RALYL: variants seen among roughly 807,000 people sequenced by gnomAD.
RALYL encodes the protein RALY RNA binding protein like, also known as RNA-binding Raly-like protein.
In RALYL, 29 loss-of-function variants were observed where a neutral mutation model predicts 35.1. The ratio of observed to expected loss-of-function variants is 0.83; its 90% confidence interval spans 0.61 to 1.13. The LOEUF (loss-of-function observed/expected upper bound fraction) is 1.13. RALYL is among the 50% of genes most tolerant of loss of function. The probability of loss-of-function intolerance (pLI) is 0.00; values close to 1 mark genes in which losing one functional copy is unlikely to be tolerated. For missense variants in RALYL, 359 were observed against 360.4 expected (o/e 1.00, Z 0.03); for synonymous variants, 120 against 127.6 (o/e 0.94, Z 0.40).
chr8:84,593,521 CAG>C (rs1245989904), intron 2 of RALYL, among the ~76,000 whole-genome samples: 1 of 152,100 alleles, frequency 6.6e-6, no homozygotes, highest in Non-Finnish European at 1.5e-5. Context: ...TAACCTCTAA[CAG>C]GGTATCATAT....
intron 1 of RALYL, among the ~76,000 whole-genome samples, chr8:84,216,153 A>C (rs1350336151): frequency 1.1e-4 from 16 of 152,094 alleles, no homozygotes; most frequent in Admixed American, 1.0e-3. Context: ...TATAGATTGA[A>C]GATTTTGCAG....
intron 2 of RALYL, among the ~76,000 whole-genome samples, chr8:84,546,502 T>C (rs1383930774): frequency 3.3e-5 from 5 of 152,246 alleles, no homozygotes; most frequent in African/African-American, 1.2e-4. Context: ...GATGACCATC[T>C]GACTTTTCTC....
At chr8:84,630,329 GGTTGA>G (rs1421595342) in intron 2 of RALYL, among the ~76,000 whole-genome samples, 2 of 151,884 alleles carry the variant, frequency 1.3e-5, no homozygotes, top group Non-Finnish European at 2.9e-5. Context: ...TAGTGTGGAG[GGTTGA>G]GTCATAATTC....
intron 1 of RALYL, among the ~76,000 whole-genome samples, chr8:84,269,831 A>T (rs1833970306): frequency 6.6e-6 from 1 of 152,114 alleles, no homozygotes; most frequent in African/African-American, 2.4e-5. Flanking sequence ...TTATTAGAAA[A>T]TGTATTTAAA....
rs1466982190 is a variant in RALYL, at chr8:84,640,047, G to A, written c.256+110470G>A. Among the ~76,000 whole-genome samples the A allele has an allele frequency of 2.0e-5, 3 of 152,022 alleles. No homozygotes were observed. In the East Asian group the frequency reaches 5.8e-4, roughly 30 times the overall value. On this transcript the variant is annotated intron_variant, in intron 2 of 8. Coordinates refer to ENST00000521268, the MANE Select transcript of RALYL (RefSeq NM_173848.7). ...GGTCTGAATAAATTTGTATAGCTTT[G>A]ATAAGCCCCAGCTATAAATGAGAGA... is the stretch of plus-strand genomic sequence containing the variant.
chr8:84,309,937 C>T (rs370810157), intron 1 of RALYL, among the ~76,000 whole-genome samples: 62 of 152,312 alleles, frequency 4.1e-4, no homozygotes, highest in African/African-American at 1.4e-3. Flanking sequence ...TTTGAGCAGG[C>T]TTGTCCAGAA....
intron 1 of RALYL, among the ~76,000 whole-genome samples, chr8:84,223,166 C>CT (rs1563559904): frequency 1.2e-4 from 10 of 83,826 alleles, no homozygotes; most frequent in East Asian, 8.7e-4. Flanking sequence ...TCTTTCCTTC[C>CT]TCCCTTCCCT....
intron 1 of RALYL, among the ~76,000 whole-genome samples, chr8:84,188,819 G>A (rs1200740081): frequency 3.3e-5 from 5 of 152,010 alleles, no homozygotes; most frequent in African/African-American, 9.7e-5. Context: ...AATACATTGG[G>A]AATTTTGTTT....
chr8:84,738,706 A>C (rs779182795), intron 2 of RALYL, among the ~76,000 whole-genome samples: 2 of 152,058 alleles, frequency 1.3e-5, no homozygotes, highest in Non-Finnish European at 2.9e-5. Context: ...ACTTTAGCAC[A>C]TTGTAAACCA....
intron 1 of RALYL, among the ~76,000 whole-genome samples, chr8:84,222,847 G>A (rs184460123): frequency 5.9e-5 from 9 of 152,208 alleles, no homozygotes; most frequent in Admixed American, 2.0e-4. Flanking sequence ...GATGAGAGTG[G>A]TGTGATTGGT....
chr8:84,710,577 C>T (rs1291701989), intron 2 of RALYL, among the ~76,000 whole-genome samples: 1 of 149,180 alleles, frequency 6.7e-6, no homozygotes, highest in East Asian at 1.9e-4. Flanking sequence ...GCTGGGATTA[C>T]AGTTGTGAGC....
chr8:84,529,183 G>C, intron 1 of RALYL, 116 bp from the exon 2 acceptor site: 1 of 987,466 alleles, frequency 1.0e-6, no homozygotes, highest in African/African-American at 1.6e-5. Context: ...AATACTTAGG[G>C]ATTGGAGGTT....
intron 2 of RALYL, among the ~76,000 whole-genome samples, chr8:84,731,720 T>G (rs1276027120): frequency 6.6e-6 from 1 of 152,108 alleles, no homozygotes; most frequent in Non-Finnish European, 1.5e-5. Flanking sequence ...AATCCAAACC[T>G]AGTCTTCACA....
At chr8:84,582,535 A>T (rs1395944577) in intron 2 of RALYL, among the ~76,000 whole-genome samples, 1 of 152,034 alleles carries the variant, frequency 6.6e-6, no homozygotes, top group Non-Finnish European at 1.5e-5. Context: ...AGGATCTCTC[A>T]TTCATGATTT....
intron 1 of RALYL, among the ~76,000 whole-genome samples, chr8:84,383,621 G>A (rs962878076): frequency 2.6e-5 from 4 of 151,566 alleles, no homozygotes; most frequent in Non-Finnish European, 5.9e-5. Context: ...AGAAAAGATT[G>A]CACCCAGTGA....
intron 1 of RALYL, among the ~76,000 whole-genome samples, chr8:84,195,173 A>G (rs545781479): frequency 6.6e-6 from 1 of 152,232 alleles, no homozygotes; most frequent in Admixed American, 6.5e-5. Context: ...ATGGGTGAGA[A>G]TTTCAACAAT....
At chr8:84,471,505 G>T (rs1319433607) in intron 1 of RALYL, among the ~76,000 whole-genome samples, 1 of 151,762 alleles carries the variant, frequency 6.6e-6, no homozygotes, top group African/African-American at 2.4e-5. Flanking sequence ...GAGGTGAGAA[G>T]ATGGCTTGAG....
intron 1 of RALYL, among the ~76,000 whole-genome samples, chr8:84,207,919 A>G (rs1175683788): frequency 1.3e-5 from 2 of 152,058 alleles, no homozygotes; most frequent in Admixed American, 6.6e-5. Context: ...GTTTCATCAA[A>G]GGGAAATTAG....
At chr8:84,681,122 T>G (rs917253228) in intron 2 of RALYL, among the ~76,000 whole-genome samples, 3 of 152,198 alleles carry the variant, frequency 2.0e-5, no homozygotes, top group South Asian at 2.1e-4. Context: ...TTTCCCCATT[T>G]CTTGATTTTG....
Sources: gnomAD v4.1 joint callset for allele counts (sites outside exome capture counted in the v4.1 genomes callset) on GRCh38, gnomAD v4.1.1 for gene constraint, MANE v1.5 for transcripts, NCBI Gene and HGNC (gene_info 2026-07-23, HGNC 2026-07-21) for gene names.